TBC1D22A: variants seen among roughly 807,000 people sequenced by gnomAD.
The protein encoded by TBC1D22A is TBC1 domain family member 22A, also known as putative GTPase activator.
TBC1D22A carries 38 observed loss-of-function variants against 60.2 expected under a neutral mutation model. The observed-to-expected ratio is 0.63, with a 90% confidence interval of 0.49 to 0.83. The LOEUF (loss-of-function observed/expected upper bound fraction) is 0.83, where lower values mean the gene tolerates loss of function less well. Among genes scored for constraint, TBC1D22A ranks in the 40% least tolerant of loss-of-function variants. The pLI, the probability that TBC1D22A is intolerant of heterozygous loss-of-function variation, is 0.00. For missense variants in TBC1D22A, 628 were observed against 701.0 expected (o/e 0.90, Z 1.18); for synonymous variants, 302 against 281.7 (o/e 1.07, Z -0.72).
chr22:46,948,482 A>G (rs958845992), intron 8 of TBC1D22A, among the ~76,000 whole-genome samples: 1 of 152,154 alleles, frequency 6.6e-6, no homozygotes, highest in Non-Finnish European at 1.5e-5. Context: ...TCCTCCACCA[A>G]AACCTTGGTT....
At chr22:47,019,954 ACCCTCCATCCTCCCCTCTCCCTTAG>A (rs1569345254) in intron 10 of TBC1D22A, among the ~76,000 whole-genome samples, 8 of 125,562 alleles carry the variant, frequency 6.4e-5, no homozygotes, top group Non-Finnish European at 1.2e-4. Flanking sequence ...CTCTCCCTTA[ACCCTCCATCCTCCCCTCTCCCTTAG>A]CCCTCCATCC....
chr22:46,944,646 C>G (rs983665762), intron 8 of TBC1D22A, among the ~76,000 whole-genome samples: 3 of 152,218 alleles, frequency 2.0e-5, no homozygotes, highest in African/African-American at 4.8e-5. Context: ...AATCTGCCCA[C>G]CTTGGCCTCC....
At chr22:47,160,568 C>T (rs952904145) in intron 12 of TBC1D22A, among the ~76,000 whole-genome samples, 4 of 152,320 alleles carry the variant, frequency 2.6e-5, no homozygotes, top group African/African-American at 4.8e-5. Flanking sequence ...TCCCCAGCCC[C>T]GTCCTCTCTA....
At chr22:46,788,215 C>G (rs977554974) in intron 1 of TBC1D22A, among the ~76,000 whole-genome samples, 1 of 152,128 alleles carries the variant, frequency 6.6e-6, no homozygotes, top group Admixed American at 6.5e-5. Context: ...GGATTACAGG[C>G]GTGAGCCACC....
chr22:46,945,288 C>T (rs1489590330), intron 8 of TBC1D22A, among the ~76,000 whole-genome samples: 3 of 152,188 alleles, frequency 2.0e-5, no homozygotes, highest in African/African-American at 7.2e-5. Flanking sequence ...CTCATTCATT[C>T]AGCGCTTATT....
At chr22:46,977,585 G>A (rs2074352365) in intron 9 of TBC1D22A, among the ~76,000 whole-genome samples, 1 of 152,208 alleles carries the variant, frequency 6.6e-6, no homozygotes, top group African/African-American at 2.4e-5. Flanking sequence ...GGAAACGTTA[G>A]GTGATTGGTC....
chr22:47,039,411 C>T (rs923514833), intron 11 of TBC1D22A, among the ~76,000 whole-genome samples: 2 of 152,064 alleles, frequency 1.3e-5, no homozygotes, highest in African/African-American at 4.8e-5. Flanking sequence ...ATTACTCTCC[C>T]CTAAACTGGG....
At chr22:46,809,265 C>G (rs1168988358) in intron 4 of TBC1D22A, among the ~76,000 whole-genome samples, 1 of 151,958 alleles carries the variant, frequency 6.6e-6, no homozygotes, top group African/African-American at 2.4e-5. Flanking sequence ...GGAGAGAGAT[C>G]CAGAGAGAGA....
intron 10 of TBC1D22A, among the ~76,000 whole-genome samples, chr22:47,004,265 C>T (rs2061504849): frequency 6.6e-6 from 1 of 151,120 alleles, no homozygotes; most frequent in Non-Finnish European, 1.5e-5. Flanking sequence ...TATACACACA[C>T]TCCTATACAC....
At chr22:47,000,271 A>C (rs1213600508) in intron 10 of TBC1D22A, among the ~76,000 whole-genome samples, 1 of 151,942 alleles carries the variant, frequency 6.6e-6, no homozygotes, top group Non-Finnish European at 1.5e-5. Flanking sequence ...GCGAGCAGAG[A>C]GCTGGAGGAG....
At chr22:46,964,300 C>T (rs2073691151) in intron 8 of TBC1D22A, among the ~76,000 whole-genome samples, 2 of 152,180 alleles carry the variant, frequency 1.3e-5, no homozygotes, top group Admixed American at 1.3e-4. Flanking sequence ...GGCTGTTCTG[C>T]AGTCATGCCT....
At chr22:46,806,375 G>T in intron 4 of TBC1D22A, among the ~76,000 whole-genome samples, 2 of 144,846 alleles carry the variant, frequency 1.4e-5, no homozygotes, top group African/African-American at 2.6e-5. Flanking sequence ...AAATGGAGCT[G>T]AGACTCAAAG....
intron 4 of TBC1D22A, among the ~76,000 whole-genome samples, chr22:46,854,650 T>C (rs2087475196): frequency 6.6e-6 from 1 of 151,992 alleles, no homozygotes; most frequent in East Asian, 1.9e-4. Flanking sequence ...TGCCCAGGCA[T>C]TGAAGTAGCT....
chr22:46,821,299 G>A (rs570572497), intron 4 of TBC1D22A, among the ~76,000 whole-genome samples: 27 of 152,164 alleles, frequency 1.8e-4, no homozygotes, highest in Non-Finnish European at 2.8e-4. Flanking sequence ...TGGTTATTTT[G>A]CACACTAGTT....
At chr22:46,805,533 A>T (rs1229381951) in intron 4 of TBC1D22A, among the ~76,000 whole-genome samples, 1 of 152,120 alleles carries the variant, frequency 6.6e-6, no homozygotes, top group African/African-American at 2.4e-5. Context: ...GGCTGTCACC[A>T]TCATGGGGTG....
At chr22:46,907,748 C>G (rs1325550711) in intron 7 of TBC1D22A, among the ~76,000 whole-genome samples, 4 of 152,220 alleles carry the variant, frequency 2.6e-5, no homozygotes, top group African/African-American at 4.8e-5. Flanking sequence ...TTCCCAGGGA[C>G]CCACCTTGAA....
chr22:46,974,489 T>C, intron 9 of TBC1D22A, 90 bp downstream of exon 9: 1 of 1,082,206 alleles, frequency 9.2e-7, no homozygotes, highest in East Asian at 2.6e-5. Context: ...TGAGTCTCAG[T>C]GTGGCCATGC....
At chr22:47,078,670 TC>T (rs1206378667) in intron 11 of TBC1D22A, among the ~76,000 whole-genome samples, 1 of 152,228 alleles carries the variant, frequency 6.6e-6, no homozygotes, top group East Asian at 1.9e-4. Flanking sequence ...CCATATACAA[TC>T]CTTTTGTTGC....
In TBC1D22A at chr22:46,889,721, T is replaced by A. The variant is rs146545616; in HGVS notation, c.709-1545T>A. 8.1e-4 allele frequency among the ~76,000 whole-genome samples: 123 copies of A among 152,138 alleles called. 1 individual carries two copies. Among genetic ancestry groups the A allele is most frequent in the African/African-American group, 2.9e-3 (121 of 41,494 alleles). On this transcript the variant is annotated intron_variant, in intron 5 of 12. Transcript: ENST00000337137. ...TCTGGGAAGGTGCTGTGCTGCTGAG[T>A]GAAGGAAAAGCTTGCACGATGTGTA...
Sources: gnomAD v4.1 joint callset for allele counts (sites outside exome capture counted in the v4.1 genomes callset) on GRCh38, gnomAD v4.1.1 for gene constraint, MANE v1.5 for transcripts, NCBI Gene and HGNC (gene_info 2026-07-23, HGNC 2026-07-21) for gene names.